RANBP2: variants seen among roughly 807,000 people sequenced by gnomAD.
RANBP2 encodes the protein RAN binding protein 2, also known as E3 SUMO-protein ligase RanBP2.
A neutral mutation model predicts 303.6 loss-of-function variants in RANBP2; 57 were observed. The ratio of observed to expected loss-of-function variants is 0.19; its 90% CI spans 0.15 to 0.23. RANBP2 has a LOEUF of 0.23. RANBP2 is among the 10% of genes least tolerant of loss of function. The pLI is 1.00. For synonymous variants in RANBP2, 1,167 were observed against 1,301.5 expected (o/e 0.90, Z 2.23); for missense variants, 3,138 against 3,780.8 (o/e 0.83, Z 4.46).
the RANBP2 span, among the ~76,000 whole-genome samples, chr2:109,384,114 G>T: frequency 6.6e-6 from 1 of 152,310 alleles, no homozygotes; most frequent in Admixed American, 6.5e-5. Context: ...ACATCCCACT[G>T]CTGGGCAGGG....
the RANBP2 span, among the ~76,000 whole-genome samples, chr2:109,326,223 C>G: frequency 6.6e-6 from 1 of 152,162 alleles, no homozygotes; most frequent in African/African-American, 2.4e-5. Flanking sequence ...TTCTTCCACC[C>G]AACAAGGAAT....
the RANBP2 span, among the ~76,000 whole-genome samples, chr2:109,272,417 T>C: frequency 0.02 from 3,057 of 152,358 alleles, 92 homozygotes; most frequent in African/African-American, 0.07. Flanking sequence ...CGAAGCCAGC[T>C]GTCTGCACAG....
the RANBP2 span, chr2:109,615,987 G>A: frequency 6.4e-7 from 1 of 1,553,678 alleles, no homozygotes; most frequent in African/African-American, 1.4e-5. Context: ...GGGCAGGGGG[G>A]AGGAGGGAGT....
the RANBP2 span, among the ~76,000 whole-genome samples, chr2:109,400,394 ACG>A: frequency 6.6e-6 from 1 of 152,170 alleles, no homozygotes; most frequent in African/African-American, 2.4e-5. Flanking sequence ...ATACACATGC[ACG>A]CACATATACA....
the RANBP2 span, among the ~76,000 whole-genome samples, chr2:108,851,775 C>T: frequency 6.6e-6 from 1 of 152,024 alleles, no homozygotes; most frequent in Non-Finnish European, 1.5e-5. Flanking sequence ...AGAGACCTTC[C>T]CCTGAGGCCT....
At chr2:108,819,065 A>G in the RANBP2 span, among the ~76,000 whole-genome samples, 2 of 152,228 alleles carry the variant, frequency 1.3e-5, no homozygotes, top group Non-Finnish European at 2.9e-5. Context: ...AAATTTGGCT[A>G]TAAGACTAAC....
the RANBP2 span, among the ~76,000 whole-genome samples, chr2:109,081,129 C>T: frequency 6.6e-6 from 1 of 152,236 alleles, no homozygotes; most frequent in African/African-American, 2.4e-5. Flanking sequence ...GACATAAAAT[C>T]TCACTCAGGT....
At chr2:108,842,618 AGTT>A in the RANBP2 span, among the ~76,000 whole-genome samples, 2 of 152,158 alleles carry the variant, frequency 1.3e-5, no homozygotes, top group Non-Finnish European at 2.9e-5. Context: ...CTGTGAGACA[AGTT>A]GTGCGGGCTT....
At chr2:109,408,452 A>G in the RANBP2 span, among the ~76,000 whole-genome samples, 6 of 151,792 alleles carry the variant, frequency 4.0e-5, no homozygotes, top group African/African-American at 1.5e-4. Flanking sequence ...TAAACCACCT[A>G]CCTCCCCACA....
At chr2:109,341,315 TA>T in the RANBP2 span, among the ~76,000 whole-genome samples, 1 of 152,210 alleles carries the variant, frequency 6.6e-6, no homozygotes, top group Non-Finnish European at 1.5e-5. Context: ...ATTAAATCTA[TA>T]AAGTGGAAGA....
At chr2:109,217,104 G>C in the RANBP2 span, among the ~76,000 whole-genome samples, 4 of 152,132 alleles carry the variant, frequency 2.6e-5, no homozygotes, top group Non-Finnish European at 1.5e-5. Flanking sequence ...GTGTGTGTCA[G>C]ATCTCCTTCC....
chr2:109,562,447 C>T, the RANBP2 span, among the ~76,000 whole-genome samples: 3 of 151,740 alleles, frequency 2.0e-5, no homozygotes, highest in African/African-American at 7.3e-5. Flanking sequence ...CAAGCAGGGT[C>T]TCTATTTGAT....
the RANBP2 span, among the ~76,000 whole-genome samples, chr2:109,607,857 T>C: frequency 6.6e-6 from 1 of 152,208 alleles, no homozygotes; most frequent in Non-Finnish European, 1.5e-5. Flanking sequence ...AGTCACCCAC[T>C]GACTAACTTG....
At chr2:109,385,879 G>A in the RANBP2 span, among the ~76,000 whole-genome samples, 2 of 144,848 alleles carry the variant, frequency 1.4e-5, no homozygotes, top group Admixed American at 7.0e-5. Context: ...AAAAAGAGAT[G>A]GACGTTTGGT....
chr2:109,338,647 T>C, the RANBP2 span, among the ~76,000 whole-genome samples: 2 of 152,152 alleles, frequency 1.3e-5, 1 homozygote, highest in South Asian at 4.1e-4. Flanking sequence ...AACCTCTGCC[T>C]CCCGAGTTCA....
At chr2:109,168,997 G>A in the RANBP2 span, among the ~76,000 whole-genome samples, 1 of 152,160 alleles carries the variant, frequency 6.6e-6, no homozygotes, top group Non-Finnish European at 1.5e-5. Flanking sequence ...TGGAAGAAAG[G>A]CAGCTCATGA....
the RANBP2 span, among the ~76,000 whole-genome samples, chr2:108,850,883 C>A: frequency 6.6e-6 from 1 of 152,082 alleles, no homozygotes; most frequent in African/African-American, 2.4e-5. Flanking sequence ...GGTTTTTCCC[C>A]ACATACCAAG....
At chr2:109,459,546 A>G in the RANBP2 span, among the ~76,000 whole-genome samples, 1 of 152,122 alleles carries the variant, frequency 6.6e-6, no homozygotes, top group Non-Finnish European at 1.5e-5. Flanking sequence ...AGACACCCCA[A>G]GGGATCTCCT....
chr2:109,703,971 GCTGCCAATCACTTCTCCCA>G, the RANBP2 span, among the ~76,000 whole-genome samples: 3 of 152,196 alleles, frequency 2.0e-5, no homozygotes, highest in African/African-American at 4.8e-5. Flanking sequence ...ATGGCCTGGA[GCTGCCAATCACTTCTCCCA>G]CTGCCAATCA....
Sources: allele counts gnomAD v4.1 joint callset (sites outside exome capture counted in the v4.1 genomes callset), GRCh38; gene constraint gnomAD v4.1.1; transcripts MANE v1.5; gene names NCBI Gene and HGNC (gene_info 2026-07-23, HGNC 2026-07-21).